Variants in ARHGAP11A observed in about 807,000 individuals in gnomAD.
ARHGAP11A encodes rho GTPase-activating protein 11A.
In ARHGAP11A, 36 loss-of-function variants were observed where a neutral mutation model predicts 60.5. The ratio of observed to expected loss-of-function variants is 0.59; its 90% CI spans 0.46 to 0.79. The LOEUF (loss-of-function observed/expected upper bound fraction) is 0.79, where lower values mean the gene tolerates loss of function less well. ARHGAP11A is among the 30% of genes least tolerant of loss of function. The pLI is 0.00. For synonymous variants in ARHGAP11A, 362 were observed against 415.5 expected (o/e 0.87, Z 1.57); for missense variants, 1,071 against 1,199.2 (o/e 0.89, Z 1.58).
intron 6 of ARHGAP11A, among the ~76,000 whole-genome samples, chr15:32,625,956 T>C (rs2053448870): frequency 6.6e-6 from 1 of 151,988 alleles, no homozygotes; most frequent in African/African-American, 2.4e-5. Context: ...TCAGAATACT[T>C]GTATCCTATT....
intron 1 of ARHGAP11A, among the ~76,000 whole-genome samples, chr15:32,619,193 A>G (rs1478488929): frequency 6.6e-6 from 1 of 152,242 alleles, no homozygotes; most frequent in Non-Finnish European, 1.5e-5. Flanking sequence ...AACTTGTGAC[A>G]TCAAAAAAAG....
At position 32,637,425 on chromosome 15, in the gene ARHGAP11A, A is replaced by G; in HGVS notation, c.2652A>G (p.Ile884Met). 6.2e-7 allele frequency: 1 copy of G among 1,614,150 alleles called. No individual in the cohort carries two copies. The highest frequency in any genetic ancestry group is 2.2e-5 in the East Asian group (1 of 44,888). ...VSCDGALSSC[I>M]ESASKDSSVS... ...GTGACGGTGCTCTTTCCTCTTGTAT[A>G]GAAAGTGCATCAAAAGATTCCTCTG... Residue 884 changes from isoleucine to methionine, a missense_variant, in exon 12 of 12, where the codon ATA becomes ATG. Physicochemically the swap from Ile to Met is conservative, Grantham distance 10. This residue lies in a region of ARHGAP11A where 776 missense variants were observed against 760.2 expected (regional missense o/e 1.02). Transcript: ENST00000361627.
chr15:32,628,290 T>A (rs1014097149), intron 6 of ARHGAP11A, among the ~76,000 whole-genome samples: 4 of 152,234 alleles, frequency 2.6e-5, no homozygotes, highest in African/African-American at 9.6e-5. Flanking sequence ...ATGTTATTTA[T>A]TTTCCAGACA....
At chr15:32,626,894 A>T (rs2053471037) in intron 6 of ARHGAP11A, among the ~76,000 whole-genome samples, 1 of 152,070 alleles carries the variant, frequency 6.6e-6, no homozygotes, top group South Asian at 2.1e-4. Flanking sequence ...CACCCAAATG[A>T]CCTCATTTTA....
At position 32,636,971 on chromosome 15, in the gene ARHGAP11A, TA is replaced by T; in HGVS notation, c.2201del (p.Asn734IlefsTer4). The T allele has an allele frequency of 6.2e-7, 1 of 1,609,470 alleles. No individual in the cohort carries two copies. Among genetic ancestry groups the T allele is most frequent in the Non-Finnish European group, 8.5e-7 (1 of 1,178,822 alleles). On this transcript the variant is annotated frameshift_variant, in exon 12 of 12. Transcript: ENST00000361627. LOFTEE classifies it low-confidence loss of function (END_TRUNC). ...IKKQQSPKDK[L>X]NNKLKENENM... The stretch of plus-strand genomic sequence containing the variant: ...AAACAGCAGTCCCCAAAGGATAAAC[TA>T]AATAATAAATTAAAAGAGAATGAGA...
chr15:32,633,096 A>G lies in ARHGAP11A; in HGVS notation c.1223A>G (p.Lys408Arg). The G allele has an allele frequency of 6.2e-7, 1 of 1,614,106 alleles. No homozygotes were observed. Among genetic ancestry groups the G allele is most frequent in the African/African-American group, 1.3e-5 (1 of 75,062 alleles). ...AGGCGAAGTAAAAGAATTGCAGGCA[A>G]AAAAGTTTGCAGGTACTTTATCCAG... is the stretch of plus-strand genomic sequence containing the variant. ...VPRRSKRIAG[K>R]KVCRVESGKA... The change falls in exon 9 of 12, where the codon AAA (lysine) becomes AGA (arginine). Residue 408 changes from lysine (K) to arginine (R), a missense_variant. Around this residue, in one of 4 missense-constraint regions of ARHGAP11A, gnomAD observed 776 missense variants for 760.2 expected, o/e 1.02. Coordinates refer to ENST00000361627, the MANE Select transcript of ARHGAP11A (RefSeq NM_014783.6).
At position 32,638,607 on chromosome 15, in the gene ARHGAP11A, A is replaced by G. The variant is rs575242147; in HGVS notation, c.*762A>G. The stretch of plus-strand genomic sequence containing the variant: ...TCCTTGCCAAAATTCCTAGAAATTA[A>G]TTTCCTTCAATAGCATCCTAAAACT... On this transcript the variant is annotated 3_prime_UTR_variant, in exon 12 of 12. Transcript: ENST00000361627. 1 of 152,676 alleles carries G rather than the reference A, an allele frequency of 6.5e-6. No individual in the cohort carries two copies. The highest frequency in any genetic ancestry group is 6.5e-5 in the Admixed American group (1 of 15,300). The allele number at this position is 152,676 out of a possible 1,614,324, so 9.5% of individuals were successfully genotyped here. A position where few individuals can be genotyped will look rare whatever the true frequency, so the allele number is the denominator to read the frequency against.
At chr15:32,620,201 A>G (rs1288755266) in intron 2 of ARHGAP11A, 23 bp downstream of exon 2, 2 of 1,596,866 alleles carry the variant, frequency 1.3e-6, no homozygotes, top group African/African-American at 2.7e-5. Flanking sequence ...TGAAATGAAG[A>G]AGGCCGGGTG....
At chr15:32,634,653 T>C (rs2053663855) in intron 10 of ARHGAP11A, among the ~76,000 whole-genome samples, 1 of 152,212 alleles carries the variant, frequency 6.6e-6, no homozygotes, top group Non-Finnish European at 1.5e-5. Flanking sequence ...ATGTAACCTG[T>C]CCCAAGCAGA....
rs368024398 is a variant in ARHGAP11A at position 32,635,888 on chromosome 15, G to C, written c.1456G>C (p.Asp486His). The C allele has an allele frequency of 1.9e-6, 3 of 1,609,586 alleles. No homozygotes were observed. The highest frequency in any genetic ancestry group is 2.5e-6 in the Non-Finnish European group (3 of 1,178,702). Residue 486 changes from aspartate to histidine, a missense_variant, in exon 11 of 12, where the codon GAT (aspartate) becomes CAT (histidine). Around this residue, in one of 4 missense-constraint regions of ARHGAP11A, gnomAD observed 776 missense variants for 760.2 expected, o/e 1.02. Coordinates refer to ENST00000361627, the MANE Select transcript of ARHGAP11A (RefSeq NM_014783.6). ...SVKTGLLFSP[D>H]VDEKLPKKGS... ...AAAAACAGGTTTGCTTTTTAGCCCA[G>C]ATGTTGATGAAAAGTTACCAAAGAA...
intron 8 of ARHGAP11A, among the ~76,000 whole-genome samples, chr15:32,631,545 C>T (rs1022687412): frequency 6.6e-6 from 1 of 152,176 alleles, no homozygotes; most frequent in African/African-American, 2.4e-5. Context: ...GCTGATCAAC[C>T]TGCCTTGGTC....
rs1171420755 is a variant in ARHGAP11A, at chr15:32,635,803, T to C, written c.1371T>C (p.Tyr457=). ...ATGGATGTTCTGGTGTCAATAGATA[T>C]GAAAGTGTTGGTTGGCGACTTGCAA... is the stretch of plus-strand genomic sequence containing the variant. ...EVNGCSGVNR[Y]ESVGWRLANQ... Residue 457 remains tyrosine (Y), a synonymous_variant, in exon 11 of 12, where the codon TAT becomes TAC. Transcript: ENST00000361627. The C allele has an allele frequency of 1.9e-6, 3 of 1,610,106 alleles. No homozygotes were observed. The highest frequency in any genetic ancestry group is 1.3e-5 in the African/African-American group (1 of 74,808).
At position 32,616,198 on chromosome 15, in the gene ARHGAP11A, T is replaced by C. The variant is rs1394354337; in HGVS notation, c.-14T>C. The C allele has an allele frequency of 1.2e-6, 2 of 1,613,948 alleles. No homozygotes were observed. The highest frequency in any genetic ancestry group is 2.2e-5 in the East Asian group (1 of 44,888). The stretch of plus-strand genomic sequence containing the variant: ...ACCTGCATCCTGCCTCAGAGAGTTA[T>C]CGACGTATCCGGAATGTGGGATCAG... On this transcript the variant is annotated 5_prime_UTR_variant, in exon 1 of 12. Coordinates refer to ENST00000361627, the MANE Select transcript of ARHGAP11A (RefSeq NM_014783.6).
Position 32,633,016 on chromosome 15 carries a change from T to C in ARHGAP11A, c.1143T>C (p.Ser381=). ...CAAGCTCAGAAGGGTCATCTCAGAG[T>C]TCACTCTCTCCTGTACTCATTGGTG... ...IDTSSEGSSQ[S]SLSPVLIGGN... Residue 381 remains serine (S), a synonymous_variant, in exon 9 of 12, where the codon AGT becomes AGC. Transcript: ENST00000361627. The C allele has an allele frequency of 6.2e-7, 1 of 1,614,018 alleles. No individual in the cohort carries two copies. The highest frequency in any genetic ancestry group is 1.7e-5 in the Admixed American group (1 of 60,016).
At position 32,619,155 on chromosome 15, in the gene ARHGAP11A, C is replaced by T. The variant is rs191669080; in HGVS notation, c.130-953C>T. On this transcript the variant is annotated intron_variant, in intron 1 of 11. Coordinates refer to ENST00000361627, the MANE Select transcript of ARHGAP11A (RefSeq NM_014783.6). Reference sequence around the variant, plus strand: ...TAAATATAAAGTTAAATATAATGCTCATAAAACATAAATACTTCTTGGTTG... The same window carrying T: ...TAAATATAAAGTTAAATATAATGCTTATAAAACATAAATACTTCTTGGTTG... Among the ~76,000 whole-genome samples, 179 of 151,854 alleles carry T rather than the reference C, an allele frequency of 1.2e-3. 1 individual carries two copies. The highest frequency in any genetic ancestry group is 3.9e-3 in the African/African-American group (162 of 41,162).
At chr15:32,635,018 G>A (rs1464123991) in intron 10 of ARHGAP11A, among the ~76,000 whole-genome samples, 2 of 152,142 alleles carry the variant, frequency 1.3e-5, no homozygotes, top group East Asian at 1.9e-4. Flanking sequence ...AAATCTGTTA[G>A]GTTATGTAGT....
intron 1 of ARHGAP11A, among the ~76,000 whole-genome samples, chr15:32,618,983 GAGCCTACTCTCTTA>G (rs2053233178): frequency 6.6e-6 from 1 of 152,006 alleles, no homozygotes; most frequent in African/African-American, 2.4e-5. Flanking sequence ...TTGCCTTCAG[GAGCCTACTCTCTTA>G]AGCACTTACT....
At chr15:32,618,028 A>G (rs1044821380) in intron 1 of ARHGAP11A, among the ~76,000 whole-genome samples, 1 of 152,212 alleles carries the variant, frequency 6.6e-6, no homozygotes, top group Admixed American at 6.5e-5. Flanking sequence ...TAGTTGTCAT[A>G]TCATTGGTCT....
intron 9 of ARHGAP11A, 71 bp downstream of exon 9, chr15:32,633,179 G>A (rs1595773848): frequency 1.7e-5 from 26 of 1,528,996 alleles, no homozygotes; most frequent in South Asian, 3.6e-5. Flanking sequence ...AAAATGTTTT[G>A]TCTTTCTGTC....
Sources: allele counts gnomAD v4.1 joint callset (sites outside exome capture counted in the v4.1 genomes callset), GRCh38; gene constraint gnomAD v4.1.1; regional missense constraint gnomAD v4.1.1; transcripts MANE v1.5; gene names NCBI Gene and HGNC (gene_info 2026-07-23, HGNC 2026-07-21).